Variants in GRM5 observed in about 807,000 individuals in gnomAD.
GRM5 encodes glutamate metabotropic receptor 5.
A neutral mutation model predicts 83.1 loss-of-function variants in GRM5; 19 were observed. That is an observed-to-expected ratio of 0.23 (90% CI 0.16 to 0.34). The LOEUF is 0.34. Among genes scored for constraint, GRM5 ranks in the 10% least tolerant of loss-of-function variants. The probability of loss-of-function intolerance (pLI) is 1.00; values close to 1 mark genes in which losing one functional copy is unlikely to be tolerated. For missense variants in GRM5, 1,160 were observed against 1,588.3 expected, an observed-to-expected ratio of 0.73 and a Z score of 4.58; for synonymous variants, 675 against 633.6, an observed-to-expected ratio of 1.07 and a Z score of -0.98.
At chr11:88,660,617 A>G (rs1405918063) in intron 3 of GRM5, among the ~76,000 whole-genome samples, 1 of 152,238 alleles carries the variant, frequency 6.6e-6, no homozygotes, top group Non-Finnish European at 1.5e-5. Context: ...GTCAGGAAAT[A>G]TAACTATGTG....
At chr11:88,905,956 G>A (rs1410758950) in intron 2 of GRM5, among the ~76,000 whole-genome samples, 2 of 152,036 alleles carry the variant, frequency 1.3e-5, no homozygotes, top group African/African-American at 2.4e-5. Flanking sequence ...TAAAACAGGA[G>A]GGGAAGTCAG....
chr11:89,022,187 A>G (rs1941001057), intron 2 of GRM5, among the ~76,000 whole-genome samples: 1 of 152,106 alleles, frequency 6.6e-6, no homozygotes, highest in South Asian at 2.1e-4. Flanking sequence ...TATGCTTGTG[A>G]AAGCTGGTTT....
At chr11:88,520,329 C>T (rs756593527) in intron 9 of GRM5, among the ~76,000 whole-genome samples, 2 of 152,224 alleles carry the variant, frequency 1.3e-5, no homozygotes, top group South Asian at 2.1e-4. Context: ...TTCTCAAAAA[C>T]CAGCTGGCTT....
chr11:88,582,654 C>T (rs1294340510), intron 7 of GRM5, among the ~76,000 whole-genome samples: 5 of 152,094 alleles, frequency 3.3e-5, no homozygotes, highest in African/African-American at 1.2e-4. Context: ...CAGAAATTTC[C>T]TCTAAAGAAT....
intron 8 of GRM5, among the ~76,000 whole-genome samples, chr11:88,563,512 G>A (rs1942803797): frequency 6.6e-6 from 1 of 152,214 alleles, no homozygotes; most frequent in East Asian, 1.9e-4. Flanking sequence ...CAGAAACAGA[G>A]GGCATACCCA....
In GRM5 at chr11:88,531,629, T is replaced by C. The variant is rs184508858; in HGVS notation, c.2631-6225A>G. On this transcript the variant is annotated intron_variant, in intron 8 of 9. Transcript: ENST00000305447. ...AGAAATTGCAGACTCTCTGAGAACA[T>C]ATTTGGTTAAAAATGAGTGGAGAAA... Among the ~76,000 whole-genome samples the C allele has an allele frequency of 4.4e-3, 671 of 152,242 alleles. 13 individuals are homozygous for C. Among genetic ancestry groups the C allele is most frequent in the Admixed American group, 0.025 (385 of 15,284 alleles).
chr11:88,849,605 C>T (rs1293631123), intron 3 of GRM5, among the ~76,000 whole-genome samples: 1 of 152,158 alleles, frequency 6.6e-6, no homozygotes, highest in Non-Finnish European at 1.5e-5. Flanking sequence ...GTCATGTTTA[C>T]TTTCCAAGTG....
chr11:88,560,427 C>CA (rs1310883749), intron 8 of GRM5, among the ~76,000 whole-genome samples: 1 of 152,012 alleles, frequency 6.6e-6, no homozygotes, highest in Non-Finnish European at 1.5e-5. Flanking sequence ...GAGGGCTTCC[C>CA]AAAGATTGTT....
At chr11:88,642,618 CAGAT>C (rs1939326345) in intron 4 of GRM5, among the ~76,000 whole-genome samples, 1 of 152,146 alleles carries the variant, frequency 6.6e-6, no homozygotes, top group African/African-American at 2.4e-5. Context: ...TGAGCACAGA[CAGAT>C]AGAAGCAGTG....
At chr11:88,631,199 T>C (rs901581810) in intron 4 of GRM5, among the ~76,000 whole-genome samples, 2 of 152,214 alleles carry the variant, frequency 1.3e-5, no homozygotes, top group Non-Finnish European at 2.9e-5. Context: ...TAGCTTTTTA[T>C]AATATCTTAG....
In GRM5 at chr11:88,851,418, C is replaced by T. The variant is rs181707025; in HGVS notation, c.662-1263G>A. ...GAGTAGATATCAAATTAATAAGGAG[C>T]ACTGTGGGCATTCAGTTGCATAGGG... On this transcript the variant is annotated intron_variant, in intron 2 of 9. Coordinates refer to ENST00000305447, the MANE Select transcript of GRM5 (RefSeq NM_001143831.3). Among the ~76,000 whole-genome samples the T allele has an allele frequency of 5.3e-5, 8 of 152,210 alleles. No homozygotes were observed. The South Asian group carries it at 6.2e-4, about 12-fold the overall frequency.
chr11:88,923,126 C>T (rs779987831), intron 2 of GRM5, among the ~76,000 whole-genome samples: 2 of 152,050 alleles, frequency 1.3e-5, no homozygotes, highest in Non-Finnish European at 2.9e-5. Context: ...ACTACCACCA[C>T]TATGGAGAAC....
At chr11:88,746,013 T>C (rs1942131209) in intron 3 of GRM5, among the ~76,000 whole-genome samples, 1 of 152,142 alleles carries the variant, frequency 6.6e-6, no homozygotes. Flanking sequence ...TTAGAAGAAA[T>C]AATTCTTTGT....
rs191941056 is a variant in GRM5 at position 88,949,266 on chromosome 11, G to A, written c.661+97946C>T. 2.1e-3 allele frequency among the ~76,000 whole-genome samples: 320 copies of A among 152,240 alleles called. 2 individuals carry two copies. Among genetic ancestry groups the A allele is most frequent in the African/African-American group, 7.4e-3 (308 of 41,540 alleles). On this transcript the variant is annotated intron_variant, in intron 2 of 9. Transcript: ENST00000305447. ...TTCTTCCAATTGTTTCACCTTTATT[G>A]TTGTGCTCTTCTACTTTTGTGCTCC...
intron 3 of GRM5, among the ~76,000 whole-genome samples, chr11:88,753,762 C>T (rs757824086): frequency 1.8e-4 from 28 of 152,140 alleles, no homozygotes; most frequent in Admixed American, 2.6e-4. Context: ...TAGGCATTCC[C>T]GAGACTGAGC....
intron 3 of GRM5, among the ~76,000 whole-genome samples, chr11:88,703,313 A>G (rs1033528235): frequency 2.6e-5 from 4 of 152,096 alleles, no homozygotes; most frequent in African/African-American, 9.7e-5. Context: ...TTATTTTACT[A>G]TACTCTAAAG....
intron 3 of GRM5, among the ~76,000 whole-genome samples, chr11:88,679,709 G>A (rs1214132629): frequency 6.6e-6 from 1 of 152,080 alleles, no homozygotes; most frequent in East Asian, 1.9e-4. Context: ...TGGCAATTCT[G>A]GAAGGTGAAT....
intron 3 of GRM5, among the ~76,000 whole-genome samples, chr11:88,714,522 T>C (rs764061467): frequency 6.6e-6 from 1 of 152,010 alleles, no homozygotes; most frequent in Non-Finnish European, 1.5e-5. Context: ...ATAGTTTACA[T>C]GTATAACCAT....
At chr11:88,688,530 TA>T (rs1940702868) in intron 3 of GRM5, among the ~76,000 whole-genome samples, 1 of 152,192 alleles carries the variant, frequency 6.6e-6, no homozygotes, top group African/African-American at 2.4e-5. Context: ...TAAATTTTAA[TA>T]AGGCCTATTT....
Sources: allele counts gnomAD v4.1 joint callset (sites outside exome capture counted in the v4.1 genomes callset), GRCh38; gene constraint gnomAD v4.1.1; transcripts MANE v1.5; gene names NCBI Gene and HGNC (gene_info 2026-07-23, HGNC 2026-07-21).